Variants in BLK observed in about 807,000 individuals in gnomAD.
BLK encodes BLK proto-oncogene, Src family tyrosine kinase.
BLK carries 64 observed loss-of-function variants against 61.8 expected under a neutral mutation model. The observed-to-expected ratio is 1.03, with a 90% confidence interval of 0.85 to 1.27. The LOEUF is 1.27. BLK is among the 50% of genes most tolerant of loss of function. The pLI is 0.00. For synonymous variants in BLK, 351 were observed against 272.0 expected (o/e 1.29, Z -2.86); for missense variants, 853 against 660.5 (o/e 1.29, Z -3.19).
chr8:11,525,015 A>G (rs927617518), intron 1 of BLK, among the ~76,000 whole-genome samples: 1 of 151,842 alleles, frequency 6.6e-6, no homozygotes, highest in African/African-American at 2.4e-5. Flanking sequence ...CTTTCACTCT[A>G]TTTTCTGAAT....
intron 1 of BLK, among the ~76,000 whole-genome samples, chr8:11,532,365 ATTT>A (rs56990952): frequency 0.011 from 1,353 of 125,598 alleles, 24 homozygotes; most frequent in African/African-American, 0.035. Flanking sequence ...TGCCCAGCTC[ATTT>A]TTTTTTTTTT....
chr8:11,524,169 A>G (rs1023237604), intron 1 of BLK, among the ~76,000 whole-genome samples: 18 of 152,232 alleles, frequency 1.2e-4, no homozygotes, highest in Admixed American at 3.3e-4. Context: ...AGTTATTCAT[A>G]TGGTTCAAAA....
intron 1 of BLK, among the ~76,000 whole-genome samples, chr8:11,505,746 C>G (rs540835292): frequency 6.6e-6 from 1 of 152,186 alleles, no homozygotes; most frequent in South Asian, 2.1e-4. Flanking sequence ...GAACAAGGGC[C>G]AAGTCTCCCA....
At chr8:11,511,751 G>C (rs1251061444) in intron 1 of BLK, among the ~76,000 whole-genome samples, 2 of 152,128 alleles carry the variant, frequency 1.3e-5, no homozygotes, top group Non-Finnish European at 2.9e-5. Flanking sequence ...TTCATTTTGG[G>C]CGTCTTAGAT....
At chr8:11,495,532 C>A (rs1415773379) in intron 1 of BLK, among the ~76,000 whole-genome samples, 2 of 152,204 alleles carry the variant, frequency 1.3e-5, no homozygotes, top group East Asian at 3.9e-4. Flanking sequence ...CACGACAGTG[C>A]GGTTCTTCCC....
intron 1 of BLK, among the ~76,000 whole-genome samples, chr8:11,501,908 T>A (rs1425120958): frequency 1.3e-5 from 2 of 152,270 alleles, no homozygotes; most frequent in East Asian, 3.8e-4. Context: ...CCTCAATGTT[T>A]TGTGCTACTC....
intron 1 of BLK, among the ~76,000 whole-genome samples, chr8:11,528,909 A>C (rs920632695): frequency 3.9e-5 from 6 of 152,154 alleles, no homozygotes; most frequent in African/African-American, 1.2e-4. Context: ...GTGAGAACAT[A>C]TGGACACACA....
intron 11 of BLK, among the ~76,000 whole-genome samples, chr8:11,562,128 T>C (rs1014906674): frequency 4.6e-5 from 7 of 152,198 alleles, no homozygotes; most frequent in Non-Finnish European, 1.0e-4. Context: ...TATTTTTATA[T>C]AGTCCCTATT....
At chr8:11,543,736 A>G (rs540670772) in intron 2 of BLK, among the ~76,000 whole-genome samples, 1 of 152,302 alleles carries the variant, frequency 6.6e-6, no homozygotes, top group African/African-American at 2.4e-5. Context: ...TTCCTGGGAT[A>G]AGCATCATGA....
intron 9 of BLK, among the ~76,000 whole-genome samples, chr8:11,557,631 C>G (rs1451135183): frequency 1.3e-5 from 2 of 152,188 alleles, no homozygotes; most frequent in Non-Finnish European, 2.9e-5. Flanking sequence ...GGGGGAAAGA[C>G]AAGAAGGGGC....
chr8:11,523,154 A>C (rs1799519118), intron 1 of BLK, among the ~76,000 whole-genome samples: 1 of 152,222 alleles, frequency 6.6e-6, no homozygotes, highest in African/African-American at 2.4e-5. Context: ...GACATTTGCA[A>C]GTGTGAACGA....
chr8:11,554,386 G>A (rs554264990), intron 6 of BLK, among the ~76,000 whole-genome samples: 62 of 152,240 alleles, frequency 4.1e-4, no homozygotes, highest in South Asian at 8.3e-4. Context: ...TCACTCCAAC[G>A]AGACTAGATT....
chr8:11,543,057 G>A (rs1210278939), intron 1 of BLK, among the ~76,000 whole-genome samples, 167 bp from the exon 2 acceptor site: 2 of 152,134 alleles, frequency 1.3e-5, no homozygotes, highest in East Asian at 3.9e-4. Context: ...CACCCATTTA[G>A]CTCACCCACC....
intron 1 of BLK, among the ~76,000 whole-genome samples, chr8:11,516,242 C>T (rs772225451): frequency 1.3e-5 from 2 of 152,188 alleles, no homozygotes; most frequent in South Asian, 2.1e-4. Context: ...AACGGGGGTG[C>T]GAGAGCCTGA....
rs1429335117 is a variant in BLK at position 11,555,400 on chromosome 8, G to T, written c.688G>T (p.Ala230Ser). 1.9e-6 allele frequency: 3 copies of T among 1,614,130 alleles called. No homozygotes were observed. The highest frequency in any genetic ancestry group is 1.1e-5 in the South Asian group (1 of 91,076). ...CVRPAPQNPW[A>S]QDEWEIPRQS... is the part of the protein sequence containing the mutation. ...GCGCCCGGCCCCGCAGAATCCCTGG[G>T]CCCAGGATGAATGGGAGATCCCCCG... The change falls in exon 8 of 13, where the codon GCC (alanine) becomes TCC (serine). Residue 230 changes from alanine (A) to serine (S), a missense_variant. By Grantham distance (99) the Ala-to-Ser change is moderately conservative. Transcript: ENST00000259089.
At chr8:11,495,847 C>T (rs1563413626) in intron 1 of BLK, among the ~76,000 whole-genome samples, 1 of 152,160 alleles carries the variant, frequency 6.6e-6, no homozygotes, top group Non-Finnish European at 1.5e-5. Context: ...GCAAATGTAC[C>T]ATGGTTACGT....
rs764863136 is a variant in BLK, at chr8:11,563,885, C to A, written c.1313-18C>A. The A allele has an allele frequency of 3.1e-6, 5 of 1,603,762 alleles. 1 individual carries two copies. The African/African-American group carries it at 6.7e-5, about 21-fold the overall frequency. The stretch of plus-strand genomic sequence containing the variant: ...GACCCCAGCCCCTCACCCCCGCTTG[C>A]GGTCTCCTCTGCCGCAGGGATGAGC... On this transcript the variant is annotated intron_variant, in intron 12 of 12. Transcript: ENST00000259089.
At chr8:11,528,379 A>C (rs938985383) in intron 1 of BLK, among the ~76,000 whole-genome samples, 7 of 152,326 alleles carry the variant, frequency 4.6e-5, no homozygotes, top group South Asian at 2.1e-4. Context: ...AATTTCTTCC[A>C]AAGTTACTTT....
chr8:11,530,474 T>G (rs1799840311), intron 1 of BLK, among the ~76,000 whole-genome samples: 1 of 152,188 alleles, frequency 6.6e-6, no homozygotes, highest in South Asian at 2.1e-4. Context: ...AAAGCCTTGG[T>G]AAAATAAGCA....
Sources: allele counts gnomAD v4.1 joint callset (sites outside exome capture counted in the v4.1 genomes callset), GRCh38; gene constraint gnomAD v4.1.1; transcripts MANE v1.5; gene names NCBI Gene and HGNC (gene_info 2026-07-23, HGNC 2026-07-21).